Variants in COL5A2 observed in about 807,000 individuals in gnomAD.
The protein encoded by COL5A2 is collagen alpha-2(V) chain.
COL5A2 carries 23 observed loss-of-function variants against 208.2 expected under a neutral mutation model. That is an observed-to-expected ratio of 0.11 (90% CI 0.08 to 0.16). The LOEUF is 0.16. Among genes scored for constraint, COL5A2 ranks in the 10% least tolerant of loss-of-function variants. COL5A2 has a pLI of 1.00. For synonymous variants in COL5A2, 625 were observed against 628.5 expected (o/e 0.99, Z 0.08); for missense variants, 1,590 against 1,956.4 (o/e 0.81, Z 3.53).
the COL5A2 span, among the ~76,000 whole-genome samples, chr2:189,423,450 T>C: frequency 6.6e-6 from 1 of 151,854 alleles, no homozygotes; most frequent in African/African-American, 2.4e-5. Flanking sequence ...AATGAAGAGT[T>C]AGTATTTTGA....
At chr2:189,287,087 G>A in the COL5A2 span, among the ~76,000 whole-genome samples, 4 of 152,036 alleles carry the variant, frequency 2.6e-5, no homozygotes, top group East Asian at 5.8e-4. Flanking sequence ...TCCCTGAGAA[G>A]CCATGGAATG....
the COL5A2 span, among the ~76,000 whole-genome samples, chr2:189,343,023 C>T: frequency 5.3e-5 from 8 of 152,048 alleles, no homozygotes; most frequent in Admixed American, 3.3e-4. Context: ...CTCCAATTTC[C>T]TATCAGGTTT....
At chr2:189,235,010 T>C in the COL5A2 span, among the ~76,000 whole-genome samples, 34 of 151,784 alleles carry the variant, frequency 2.2e-4, 1 homozygote, top group Non-Finnish European at 4.6e-4. Flanking sequence ...ATTATTGAGA[T>C]ATTACATTCT....
At chr2:189,406,418 G>C in the COL5A2 span, among the ~76,000 whole-genome samples, 22 of 152,224 alleles carry the variant, frequency 1.4e-4, no homozygotes, top group East Asian at 4.1e-3. Context: ...AAATGTCTAA[G>C]ATCATCAAAA....
At chr2:189,410,851 G>C in the COL5A2 span, among the ~76,000 whole-genome samples, 42 of 152,150 alleles carry the variant, frequency 2.8e-4, no homozygotes, top group Non-Finnish European at 4.9e-4. Context: ...AATTTTTACA[G>C]TACAAATGGT....
the COL5A2 span, among the ~76,000 whole-genome samples, chr2:189,256,868 C>G: frequency 8.5e-5 from 13 of 152,120 alleles, no homozygotes; most frequent in African/African-American, 3.1e-4. Flanking sequence ...GACCTCATGA[C>G]CTGCCTGCCT....
chr2:189,053,546 G>T, intron 37 of COL5A2, 69 bp from the exon 38 acceptor site: 2 of 1,330,982 alleles, frequency 1.5e-6, no homozygotes, highest in South Asian at 1.2e-5. Flanking sequence ...TTTAAAATAT[G>T]ATCATATAAA....
chr2:189,352,990 T>A, the COL5A2 span, among the ~76,000 whole-genome samples: 3,000 of 152,312 alleles, frequency 0.02, 100 homozygotes, highest in African/African-American at 0.069. Flanking sequence ...GGGGTCCAGT[T>A]TCAGTTTCTG....
Position 189,050,663 on chromosome 2 carries a change from G to C in COL5A2, c.2945C>G (p.Pro982Arg). Reference protein sequence around the residue: ...GEDGQPGPDGPPGPAGTTGQR... With the variant: ...GEDGQPGPDGRPGPAGTTGQR... ...CCCGGTCGTTCCAGCTGGACCAGGG[G>C]GGCCATCTGGACCCTAATGTTGAGG... The change falls in exon 43 of 54, where the codon CCC (proline) becomes CGC (arginine). Residue 982 changes from proline to arginine, a missense_variant. Coordinates refer to ENST00000374866, the MANE Select transcript of COL5A2 (RefSeq NM_000393.5). The C allele has an allele frequency of 6.4e-7, 1 of 1,551,982 alleles. No homozygotes were observed. Among genetic ancestry groups the C allele is most frequent in the East Asian group, 2.4e-5 (1 of 40,934 alleles).
chr2:189,139,082 A>T (rs1393797644), intron 1 of COL5A2, among the ~76,000 whole-genome samples: 2 of 152,132 alleles, frequency 1.3e-5, no homozygotes, highest in Non-Finnish European at 2.9e-5. Flanking sequence ...TACAGTGAAG[A>T]CACAGGACAA....
At chr2:189,420,083 AGAAGGAAGGAAG>A in the COL5A2 span, among the ~76,000 whole-genome samples, 59 of 139,766 alleles carry the variant, frequency 4.2e-4, no homozygotes, top group Non-Finnish European at 4.8e-4. Context: ...GGAGGGAGGG[AGAAGGAAGGAAG>A]GAAGGAAGGA....
chr2:189,347,172 G>A, the COL5A2 span, among the ~76,000 whole-genome samples: 1 of 152,152 alleles, frequency 6.6e-6, no homozygotes, highest in Non-Finnish European at 1.5e-5. Context: ...GTTGCTGAGA[G>A]ACAGCAGGCA....
At position 189,045,887 on chromosome 2, in the gene COL5A2, C is replaced by A. The variant is rs149574060; in HGVS notation, c.3222G>T (p.Gly1074=). ...CCTGAGAGCCTGGCAGACCTGCAGG[C>A]CCAGGGTCTCCACGATCACCCTAAC... is the stretch of plus-strand genomic sequence containing the variant. ...VGERGDRGDP[G]PAGLPGSQGA... Residue 1074 remains glycine (G), a synonymous_variant, in exon 46 of 54, where the codon GGG becomes GGT. Transcript: ENST00000374866. 1.9e-6 allele frequency: 3 copies of A among 1,614,108 alleles called. No individual in the cohort carries two copies. The highest frequency in any genetic ancestry group is 2.2e-5 in the South Asian group (2 of 91,080).
In COL5A2 at chr2:189,068,289, G is replaced by C. The variant is rs1342279627; in HGVS notation, c.1258-19C>G. On this transcript the variant is annotated intron_variant, in intron 19 of 53. Transcript: ENST00000374866. ...TTGCACCCTAAAAGGTACATTAAAA[G>C]TATGTAATGAAATATTAAGCAATAT... 6.2e-7 allele frequency: 1 copy of C among 1,600,760 alleles called. No individual in the cohort carries two copies. The highest frequency in any genetic ancestry group is 1.7e-5 in the Admixed American group (1 of 59,970).
intron 1 of COL5A2, among the ~76,000 whole-genome samples, chr2:189,135,573 T>C (rs1462745711): frequency 2.0e-5 from 3 of 152,204 alleles, no homozygotes; most frequent in African/African-American, 7.2e-5. Context: ...TCATAATCCG[T>C]AGGCTAATGT....
chr2:189,259,343 T>C, the COL5A2 span, among the ~76,000 whole-genome samples: 1 of 152,228 alleles, frequency 6.6e-6, no homozygotes, highest in Admixed American at 6.5e-5. Flanking sequence ...AAGTCCTAAT[T>C]TTCCAAGGTT....
chr2:189,168,078 C>T (rs562031705), intron 1 of COL5A2, among the ~76,000 whole-genome samples: 4 of 151,948 alleles, frequency 2.6e-5, no homozygotes, highest in African/African-American at 9.6e-5. Context: ...GCTGGGACTA[C>T]AGGCGCCCAC....
the COL5A2 span, among the ~76,000 whole-genome samples, chr2:189,254,584 ACTT>A: frequency 2.0e-5 from 3 of 152,128 alleles, no homozygotes; most frequent in Non-Finnish European, 2.9e-5. Flanking sequence ...CCCCACAGTC[ACTT>A]CTTCTATGCT....
the COL5A2 span, among the ~76,000 whole-genome samples, chr2:189,256,482 C>T: frequency 6.6e-6 from 1 of 152,164 alleles, no homozygotes; most frequent in Non-Finnish European, 1.5e-5. Flanking sequence ...ACCCCTCCTC[C>T]TGATCTCTTG....
Sources: gnomAD v4.1 joint callset for allele counts (sites outside exome capture counted in the v4.1 genomes callset) on GRCh38, gnomAD v4.1.1 for gene constraint, MANE v1.5 for transcripts, NCBI Gene and HGNC (gene_info 2026-07-23, HGNC 2026-07-21) for gene names.